SGCZ: variants seen among roughly 807,000 people sequenced by gnomAD.
SGCZ encodes zeta-sarcoglycan.
A neutral mutation model predicts 41.3 loss-of-function variants in SGCZ; 40 were observed. The ratio of observed to expected loss-of-function variants is 0.97; its 90% confidence interval spans 0.75 to 1.26. The LOEUF is 1.26. Among genes scored for constraint, SGCZ ranks in the 50% most tolerant of loss-of-function variants. The probability of loss-of-function intolerance (pLI) is 0.00; values close to 1 mark genes in which losing one functional copy is unlikely to be tolerated. For missense variants in SGCZ, 552 were observed against 369.8 expected, an observed-to-expected ratio of 1.49 and a Z score of -4.04; for synonymous variants, 206 against 137.5, an observed-to-expected ratio of 1.50 and a Z score of -3.49.
At chr8:14,308,444 G>T (rs1801416976) in intron 3 of SGCZ, among the ~76,000 whole-genome samples, 1 of 151,986 alleles carries the variant, frequency 6.6e-6, no homozygotes, top group Non-Finnish European at 1.5e-5. Flanking sequence ...GACAAGAAAA[G>T]CACAGAATGA....
chr8:15,025,363 AT>A (rs1803417043), intron 1 of SGCZ, among the ~76,000 whole-genome samples: 1 of 152,060 alleles, frequency 6.6e-6, no homozygotes, highest in Non-Finnish European at 1.5e-5. Flanking sequence ...ACATAATTTG[AT>A]TTTTTCCTCT....
intron 3 of SGCZ, among the ~76,000 whole-genome samples, chr8:14,304,255 C>T (rs1801282423): frequency 6.6e-6 from 1 of 151,564 alleles, no homozygotes; most frequent in South Asian, 2.1e-4. Flanking sequence ...CCAGCCTAGG[C>T]AACATGGTAA....
chr8:14,990,716 G>A lies in SGCZ; in HGVS notation c.39+246869C>T, dbSNP rs183452929. ...TGTAATAATAATAGAAATAAAGTGC[G>A]TAATAAAGGCAAGGTACTTGAATCA... On this transcript the variant is annotated intron_variant, in intron 1 of 7. Transcript: ENST00000382080. Among the ~76,000 whole-genome samples, 607 of 152,162 alleles carry A rather than the reference G, an allele frequency of 4.0e-3. 10 individuals carry two copies. The highest frequency in any genetic ancestry group is 0.014 in the African/African-American group (562 of 41,502).
In SGCZ at chr8:14,753,307, C is replaced by G. The variant is rs536932271; in HGVS notation, c.40-198381G>C. 4.2e-4 allele frequency among the ~76,000 whole-genome samples: 64 copies of G among 152,202 alleles called. 1 individual carries two copies. Among genetic ancestry groups the G allele is most frequent in the Admixed American group, 5.2e-4 (8 of 15,272 alleles). ...GGGATCCAATTCCATTCTCCCTGCCCCACAGGTTCAAACTTATATGTTAAA... is the reference window on the plus strand; with the variant it reads ...GGGATCCAATTCCATTCTCCCTGCCGCACAGGTTCAAACTTATATGTTAAA... On this transcript the variant is annotated intron_variant, in intron 1 of 7. Coordinates refer to ENST00000382080, the MANE Select transcript of SGCZ (RefSeq NM_139167.4).
intron 1 of SGCZ, among the ~76,000 whole-genome samples, chr8:14,576,132 A>T (rs1804704455): frequency 6.6e-6 from 1 of 152,166 alleles, no homozygotes. Context: ...GATCTCTGTT[A>T]ACTTGTATGT....
intron 1 of SGCZ, among the ~76,000 whole-genome samples, chr8:15,015,578 C>A (rs949079890): frequency 1.3e-5 from 2 of 150,046 alleles, no homozygotes; most frequent in Non-Finnish European, 1.5e-5. Context: ...TCCCAGCTAC[C>A]CGGAGAGGCT....
intron 1 of SGCZ, among the ~76,000 whole-genome samples, chr8:14,785,804 C>A (rs371605820): frequency 6.6e-6 from 1 of 152,058 alleles, no homozygotes; most frequent in Non-Finnish European, 1.5e-5. Context: ...CCTAAGCAGG[C>A]GTAGGATTGT....
chr8:15,208,160 A>C (rs1271794886), intron 1 of SGCZ, among the ~76,000 whole-genome samples: 1 of 152,224 alleles, frequency 6.6e-6, no homozygotes, highest in Non-Finnish European at 1.5e-5. Flanking sequence ...AGGCCAAAAT[A>C]AGTTCCCTGA....
rs1043142532 is a variant in SGCZ at position 14,247,635 on chromosome 8, G to C, written c.337-9956C>G. ...AAAGATGCTTCTTCTTTTCCTCTTA[G>C]GCAACATTTGCAGCAACTAGGAGAT... On this transcript the variant is annotated intron_variant, in intron 3 of 7. Coordinates refer to ENST00000382080, the MANE Select transcript of SGCZ (RefSeq NM_139167.4). 4.6e-5 allele frequency among the ~76,000 whole-genome samples: 7 copies of C among 152,260 alleles called. No individual in the cohort carries two copies. The East Asian group carries it at 7.7e-4, about 17-fold the overall frequency.
chr8:14,581,061 AAGCCTAAGGAAG>A (rs766591023), intron 1 of SGCZ, among the ~76,000 whole-genome samples: 3 of 152,180 alleles, frequency 2.0e-5, no homozygotes, highest in Non-Finnish European at 4.4e-5. Context: ...GTAAAATGCT[AAGCCTAAGGAAG>A]AGGTTGTCTC....
At chr8:14,975,703 G>C (rs1238339795) in intron 1 of SGCZ, among the ~76,000 whole-genome samples, 1 of 151,746 alleles carries the variant, frequency 6.6e-6, no homozygotes, top group Non-Finnish European at 1.5e-5. Flanking sequence ...GTTTGGTGAT[G>C]ATAAAATGCT....
chr8:14,339,329 T>A lies in SGCZ; in HGVS notation c.235-15125A>T, dbSNP rs1167439715. Among the ~76,000 whole-genome samples, 3 of 152,196 alleles carry A rather than the reference T, an allele frequency of 2.0e-5. No individual in the cohort carries two copies. In the East Asian group the frequency reaches 5.8e-4, roughly 29 times the overall value. On this transcript the variant is annotated intron_variant, in intron 2 of 7. Transcript: ENST00000382080. ...GAACACCTCTTCTCTATGTGAATGT[T>A]AAACCAAGTTCTGAAAACAATTGCT... is the stretch of plus-strand genomic sequence containing the variant.
intron 2 of SGCZ, among the ~76,000 whole-genome samples, chr8:14,544,904 A>G (rs1420781484): frequency 6.6e-6 from 1 of 151,920 alleles, no homozygotes; most frequent in African/African-American, 2.4e-5. Flanking sequence ...TTAGACCCTT[A>G]TTAGCGGTTC....
intron 1 of SGCZ, among the ~76,000 whole-genome samples, chr8:15,048,302 G>A (rs922732653): frequency 1.3e-5 from 2 of 151,990 alleles, no homozygotes; most frequent in Non-Finnish European, 2.9e-5. Flanking sequence ...GTACAAAGTA[G>A]ATGATGGTTA....
intron 1 of SGCZ, among the ~76,000 whole-genome samples, chr8:14,910,761 A>G (rs879082948): frequency 6.6e-6 from 1 of 151,988 alleles, no homozygotes; most frequent in Admixed American, 6.6e-5. Flanking sequence ...ATAGGAAGAC[A>G]ATGATGTCAT....
chr8:14,633,777 A>G (rs562311263), intron 1 of SGCZ, among the ~76,000 whole-genome samples: 135 of 152,064 alleles, frequency 8.9e-4, no homozygotes, highest in African/African-American at 2.6e-3. Flanking sequence ...TTCCATTAAT[A>G]ATAAAAGACC....
At chr8:14,918,978 C>T (rs1247441810) in intron 1 of SGCZ, among the ~76,000 whole-genome samples, 1 of 152,156 alleles carries the variant, frequency 6.6e-6, no homozygotes, top group African/African-American at 2.4e-5. Context: ...GTTTCAAAAC[C>T]TCTCCCAAGG....
chr8:14,533,333 T>TA (rs5889538), intron 2 of SGCZ, among the ~76,000 whole-genome samples: 2 of 151,934 alleles, frequency 1.3e-5, no homozygotes, highest in Non-Finnish European at 2.9e-5. Context: ...TTAGCAACAC[T>TA]AAAAAAATTG....
chr8:14,191,478 A>T (rs1270697715), intron 4 of SGCZ, among the ~76,000 whole-genome samples: 1 of 152,152 alleles, frequency 6.6e-6, no homozygotes, highest in Non-Finnish European at 1.5e-5. Context: ...TTAGGTATAG[A>T]TCTTTAATCC....
Sources: gnomAD v4.1 joint callset for allele counts (sites outside exome capture counted in the v4.1 genomes callset) on GRCh38, gnomAD v4.1.1 for gene constraint, MANE v1.5 for transcripts, NCBI Gene and HGNC (gene_info 2026-07-23, HGNC 2026-07-21) for gene names.